Variants in SLC7A11 observed in about 807,000 individuals in gnomAD.
The protein encoded by SLC7A11 is solute carrier family 7 member 11, also known as cystine/glutamate transporter.
SLC7A11 carries 35 observed loss-of-function variants against 54.5 expected under a neutral mutation model. The ratio of observed to expected loss-of-function variants is 0.64; its 90% CI spans 0.49 to 0.85. SLC7A11 has a LOEUF of 0.85. Among genes scored for constraint, SLC7A11 ranks in the 40% least tolerant of loss-of-function variants. The pLI is 0.00. For synonymous variants in SLC7A11, 230 were observed against 225.2 expected (o/e 1.02, Z -0.19); for missense variants, 583 against 618.1 (o/e 0.94, Z 0.60).
In SLC7A11 at chr4:138,169,018, G is replaced by A. The variant is rs905528896; in HGVS notation, c.*2938C>T. The A allele has an allele frequency of 6.6e-6, 1 of 152,038 alleles. No individual in the cohort carries two copies. Among genetic ancestry groups the A allele is most frequent in the African/African-American group, 2.4e-5 (1 of 41,412 alleles). The allele number at this position is 152,038 out of a possible 1,614,324, so 9.4% of individuals were successfully genotyped here. ...GAATCTTTTAAAATCACAAGTATTT[G>A]AGAATCCATCCCCACAAAAATTAAA... On this transcript the variant is annotated 3_prime_UTR_variant, in exon 12 of 12. Coordinates refer to ENST00000280612, the MANE Select transcript of SLC7A11 (RefSeq NM_014331.4).
intron 1 of SLC7A11, among the ~76,000 whole-genome samples, chr4:138,238,380 G>A (rs2148459059): frequency 6.6e-6 from 1 of 152,246 alleles, no homozygotes; most frequent in East Asian, 1.9e-4. Flanking sequence ...TATGTGAAAA[G>A]TTCTATCTGT....
At chr4:138,241,606 G>A (rs1365917090) in intron 1 of SLC7A11, among the ~76,000 whole-genome samples, 187 bp downstream of exon 1, 1 of 152,182 alleles carries the variant, frequency 6.6e-6, no homozygotes, top group African/African-American at 2.4e-5. Flanking sequence ...AGCAATTTGA[G>A]GGTGTTCCAG....
At chr4:138,191,844 G>T (rs1433478408) in intron 6 of SLC7A11, among the ~76,000 whole-genome samples, 1 of 151,922 alleles carries the variant, frequency 6.6e-6, no homozygotes, top group African/African-American at 2.4e-5. Context: ...ATACATTACA[G>T]TTATCCATAT....
rs1578618852 is a variant in SLC7A11 at position 138,165,544 on chromosome 4, A to G, written c.*6412T>C. On this transcript the variant is annotated 3_prime_UTR_variant, in exon 12 of 12. Coordinates refer to ENST00000280612, the MANE Select transcript of SLC7A11 (RefSeq NM_014331.4). The stretch of plus-strand genomic sequence containing the variant: ...GCATTAAATGATACAGCCTTAACAC[A>G]TATGATGCTCATATTTGCAAAGTTC... 6.6e-6 allele frequency: 1 copy of G among 152,456 alleles called. No individual in the cohort carries two copies. The highest frequency in any genetic ancestry group is 1.9e-4 in the East Asian group (1 of 5,188). 9.4% of individuals were successfully genotyped at this position (152,456 alleles called of 1,614,324 possible).
chr4:138,199,120 A>G (rs771128730), intron 6 of SLC7A11, among the ~76,000 whole-genome samples: 2 of 152,134 alleles, frequency 1.3e-5, no homozygotes, highest in Non-Finnish European at 2.9e-5. Flanking sequence ...ATATAACACC[A>G]AAGTTAGGAA....
At position 138,170,250 on chromosome 4, in the gene SLC7A11, GTATATA is replaced by G. The variant is rs1176136985; in HGVS notation, c.*1700_*1705del. On this transcript the variant is annotated 3_prime_UTR_variant, in exon 12 of 12. Transcript: ENST00000280612. Reference sequence around the variant, plus strand: ...ATATAAAAAGTGTGTGTGTGTGTGTGTATATATATATATATATATATACACACACAC... The same window carrying G: ...ATATAAAAAGTGTGTGTGTGTGTGTGTATATATATATATATACACACACAC... 17 of 74,072 alleles carry G rather than the reference GTATATA, an allele frequency of 2.3e-4. No individual in the cohort carries two copies. The highest frequency in any genetic ancestry group is 7.0e-4 in the African/African-American group (15 of 21,362). 4.6% of individuals were successfully genotyped at this position (74,072 alleles called of 1,614,324 possible).
In SLC7A11 at chr4:138,196,852, G is replaced by A. The variant is rs373940434; in HGVS notation, c.792-11608C>T. 7.2e-5 allele frequency among the ~76,000 whole-genome samples: 11 copies of A among 151,972 alleles called. No individual in the cohort carries two copies. The East Asian group carries it at 1.9e-3, about 27-fold the overall frequency. On this transcript the variant is annotated intron_variant, in intron 6 of 11. Coordinates refer to ENST00000280612, the MANE Select transcript of SLC7A11 (RefSeq NM_014331.4). ...TTTTTGTATTTTTAGTAGAGACAGGGTTTCACCATGTTGGCCAGGCTGGTC... is the reference window on the plus strand; with the variant it reads ...TTTTTGTATTTTTAGTAGAGACAGGATTTCACCATGTTGGCCAGGCTGGTC...
At position 138,166,158 on chromosome 4, in the gene SLC7A11, C is replaced by G. The variant is rs190778647; in HGVS notation, c.*5798G>C. Reference sequence around the variant, plus strand: ...TCTTTTGAAATAAGACAGTTCAAACCTAGGACCAGGTAACCACATTGCATT... The same window carrying G: ...TCTTTTGAAATAAGACAGTTCAAACGTAGGACCAGGTAACCACATTGCATT... On this transcript the variant is annotated 3_prime_UTR_variant, in exon 12 of 12. Transcript: ENST00000280612. 6.6e-6 allele frequency: 1 copy of G among 152,200 alleles called. No homozygotes were observed. Among genetic ancestry groups the G allele is most frequent in the Non-Finnish European group, 1.5e-5 (1 of 67,996 alleles). 9.4% of individuals were successfully genotyped at this position (152,200 alleles called of 1,614,324 possible).
chr4:138,235,386 C>T (rs940300034), intron 2 of SLC7A11, among the ~76,000 whole-genome samples: 1 of 146,596 alleles, frequency 6.8e-6, no homozygotes, highest in Non-Finnish European at 1.5e-5. Context: ...GCATATACTA[C>T]TTTGAAGATC....
chr4:138,200,509 G>A (rs1737251002), intron 6 of SLC7A11, among the ~76,000 whole-genome samples: 4 of 152,066 alleles, frequency 2.6e-5, no homozygotes, highest in Admixed American at 1.3e-4. Flanking sequence ...TGACATAGAG[G>A]TCACTTCTAA....
intron 9 of SLC7A11, among the ~76,000 whole-genome samples, chr4:138,181,895 T>C (rs1444338431): frequency 2.0e-5 from 3 of 152,128 alleles, no homozygotes; most frequent in Non-Finnish European, 4.4e-5. Context: ...TTGTGTGCAT[T>C]TCATTATAAG....
At chr4:138,179,460 G>A (rs1188053126) in intron 10 of SLC7A11, 66 bp from the exon 11 acceptor site, 2 of 1,372,290 alleles carry the variant, frequency 1.5e-6, no homozygotes, top group Non-Finnish European at 2.0e-6. Context: ...GGTTTGAGAT[G>A]AGCGTGTCAG....
At chr4:138,190,264 G>GA (rs1248091754) in intron 6 of SLC7A11, among the ~76,000 whole-genome samples, 3 of 151,854 alleles carry the variant, frequency 2.0e-5, no homozygotes, top group Non-Finnish European at 4.4e-5. Context: ...GAGGGAAAGA[G>GA]AAAAAATTAA....
intron 11 of SLC7A11, among the ~76,000 whole-genome samples, chr4:138,175,240 T>C (rs1478234827): frequency 6.6e-6 from 1 of 152,214 alleles, no homozygotes; most frequent in Non-Finnish European, 1.5e-5. Context: ...AGTTGCAAAC[T>C]CACTGTCCAC....
chr4:138,185,074 G>A (rs749381548), intron 7 of SLC7A11, 47 bp downstream of exon 7: 45 of 1,606,076 alleles, frequency 2.8e-5, no homozygotes, highest in Admixed American at 1.5e-4. Context: ...AATTGCATCA[G>A]CTCATTAACC....
chr4:138,185,075 C>T, intron 7 of SLC7A11, 46 bp downstream of exon 7: 1 of 1,607,564 alleles, frequency 6.2e-7, no homozygotes, highest in South Asian at 1.1e-5. Flanking sequence ...ATTGCATCAG[C>T]TCATTAACCT....
At chr4:138,178,783 C>T (rs944955288) in intron 11 of SLC7A11, among the ~76,000 whole-genome samples, 10 of 152,098 alleles carry the variant, frequency 6.6e-5, no homozygotes, top group African/African-American at 7.2e-5. Context: ...TTTAAGGTAG[C>T]GTACAGTCAT....
chr4:138,180,828 T>C (rs1408116252), intron 9 of SLC7A11, 38 bp from the exon 10 acceptor site: 1 of 1,586,750 alleles, frequency 6.3e-7, no homozygotes, highest in East Asian at 2.3e-5. Context: ...GTGAATTCAG[T>C]GAAAACACAG....
chr4:138,207,736 C>T (rs62324384), intron 6 of SLC7A11, among the ~76,000 whole-genome samples: 24,062 of 151,906 alleles, frequency 0.16, 2,134 homozygotes, highest in East Asian at 0.32. Context: ...GAAAGCAAGC[C>T]GCATTCCCAA....
Sources: gnomAD v4.1 joint callset for allele counts (sites outside exome capture counted in the v4.1 genomes callset) on GRCh38, gnomAD v4.1.1 for gene constraint, MANE v1.5 for transcripts, NCBI Gene and HGNC (gene_info 2026-07-23, HGNC 2026-07-21) for gene names.